Variants in RBM3 observed in about 807,000 individuals in gnomAD.
The protein encoded by RBM3 is RNA-binding protein 3.
RBM3 carries 3 observed loss-of-function variants against 12.0 expected under a neutral mutation model. The observed-to-expected ratio is 0.25, with a 90% CI of 0.11 to 0.65. RBM3 has a LOEUF of 0.65. RBM3 is among the 30% of genes least tolerant of loss of function. RBM3 has a pLI of 0.84. For synonymous variants in RBM3, 58 were observed against 45.7 expected, an observed-to-expected ratio of 1.27 and a Z score of -1.08; for missense variants, 108 against 134.5, an observed-to-expected ratio of 0.80 and a Z score of 0.97.
rs1476891154 is a variant in RBM3, at chrX:48,579,164, T to C, written c.*1723T>C. 9.0e-6 allele frequency: 1 copy of C among 111,412 alleles called. No individual in the cohort carries two copies. Among genetic ancestry groups the C allele is most frequent in the African/African-American group, 3.3e-5 (1 of 30,691 alleles). The allele number at this position is 111,412 out of a possible 1,213,427, so 9.2% of individuals were successfully genotyped here. ...TCTGCTCCCTTTAGTCATGGTTCTTTCTAGTGGCTGTATTGAGGCCCCATG... is the reference window on the plus strand; with the variant it reads ...TCTGCTCCCTTTAGTCATGGTTCTTCCTAGTGGCTGTATTGAGGCCCCATG... On this transcript the variant is annotated 3_prime_UTR_variant, in exon 7 of 7. Coordinates refer to ENST00000376759, the MANE Select transcript of RBM3 (RefSeq NM_006743.5).
At position 48,576,693 on chromosome X, in the gene RBM3, C is replaced by T. The variant is rs1305027903; in HGVS notation, c.413+89C>T. On this transcript the variant is annotated intron_variant, in intron 5 of 6. Transcript: ENST00000376759. ...GGGTGTTCATGCATACCACACCTTG[C>T]TGTTACTAATGTGTACCTAAAATGA... 3 of 1,101,248 alleles carry T rather than the reference C, an allele frequency of 2.7e-6. No individual in the cohort carries two copies. The African/African-American group carries it at 5.6e-5, about 20-fold the overall frequency. The allele number at this position is 1,101,248 out of a possible 1,213,427, so 90.8% of individuals were successfully genotyped here.
Position 48,577,727 on chromosome X carries a change from G to T in RBM3, c.*286G>T. On this transcript the variant is annotated 3_prime_UTR_variant, in exon 7 of 7. Transcript: ENST00000376759. ...CCAGTTTTTTAGTTTGAGCTCTTAG[G>T]TTTATTGGAGCTAGCAATAATTGGT... The T allele has an allele frequency of 5.1e-6, 1 of 195,591 alleles. No individual in the cohort carries two copies. Among genetic ancestry groups the T allele is most frequent in the Non-Finnish European group, 9.4e-6 (1 of 106,374 alleles). The allele number at this position is 195,591 out of a possible 1,213,427, so 16.1% of individuals were successfully genotyped here.
Position 48,579,697 on chromosome X carries a change from C to G in RBM3, c.*2256C>G, listed in dbSNP as rs1400831512. ...TCAGGATGGCAATGTACCTCTCACC[C>G]CCAGTGTCAGCTGAGGTAGGATCCA... On this transcript the variant is annotated 3_prime_UTR_variant, in exon 7 of 7. Coordinates refer to ENST00000376759, the MANE Select transcript of RBM3 (RefSeq NM_006743.5). 8.9e-6 allele frequency: 1 copy of G among 111,752 alleles called. No homozygotes were observed. The highest frequency in any genetic ancestry group is 1.9e-5 in the Non-Finnish European group (1 of 53,161). 9.2% of individuals were successfully genotyped at this position (111,752 alleles called of 1,213,427 possible). A position where few individuals can be genotyped will look rare whatever the true frequency, so the allele number is the denominator to read the frequency against.
Position 48,581,090 on chromosome X carries a change from A to G in RBM3, c.*3649A>G, listed in dbSNP as rs1176638675. 9.4e-6 allele frequency: 1 copy of G among 106,049 alleles called. No individual in the cohort carries two copies. The highest frequency in any genetic ancestry group is 3.5e-5 in the African/African-American group (1 of 28,622). The allele number at this position is 106,049 out of a possible 1,213,427, so 8.7% of individuals were successfully genotyped here. On this transcript the variant is annotated 3_prime_UTR_variant, in exon 7 of 7. Transcript: ENST00000376759. ...CTGGGGGCGGGGGGGGGCGGGGGGA[A>G]TGGGTCTTTTCTAAATTGTTAAAAG... is the stretch of plus-strand genomic sequence containing the variant.
At chrX:48,577,394 C>A in intron 6 of RBM3, 71 bp from the exon 7 acceptor site, 1 of 857,498 alleles carries the variant, frequency 1.2e-6, no homozygotes, top group Non-Finnish European at 1.6e-6. Flanking sequence ...TCTTCATCAG[C>A]TCTAGGAGGT....
At chrX:48,574,617 A>ACG in intron 1 of RBM3, 44 bp downstream of exon 1, 1 of 331,514 alleles carries the variant, frequency 3.0e-6, no homozygotes. Context: ...CTCGCCACAC[A>ACG]CGCGCCGCGC....
chrX:48,574,938 A>C (rs1414656532), intron 1 of RBM3: 5 of 439,611 alleles, frequency 1.1e-5, no homozygotes, highest in Admixed American at 3.0e-5. Context: ...CGTGGCGGCT[A>C]TGAATGTGAG....
Position 48,580,326 on chromosome X carries a change from T to G in RBM3, c.*2885T>G, listed in dbSNP as rs2147210924. Among the ~76,000 whole-genome samples, 1 of 111,842 alleles carries G rather than the reference T, an allele frequency of 8.9e-6. No individual in the cohort carries two copies. Among genetic ancestry groups the G allele is most frequent in the South Asian group, 3.7e-4 (1 of 2,704 alleles). Reference sequence around the variant, plus strand: ...ATCCTTGCTTCCTAGTTTAATTTCTTCTCTGCCTCAGTTATAACATCCATA... The same window carrying G: ...ATCCTTGCTTCCTAGTTTAATTTCTGCTCTGCCTCAGTTATAACATCCATA... On this transcript the variant is annotated 3_prime_UTR_variant, in exon 7 of 7. Coordinates refer to ENST00000376759, the MANE Select transcript of RBM3 (RefSeq NM_006743.5).
In RBM3 at chrX:48,577,625, C is replaced by CTT; in HGVS notation, c.*192_*193dup. On this transcript the variant is annotated 3_prime_UTR_variant, in exon 7 of 7. Transcript: ENST00000376759. ...CTGAAGACCTTTTAGACAGTTCCAT[C>CTT]TTTTTTTTTAAATTTTTTCTGCCTA... 1 of 383,413 alleles carries CTT rather than the reference C, an allele frequency of 2.6e-6. No homozygotes were observed. The highest frequency in any genetic ancestry group is 3.6e-6 in the Non-Finnish European group (1 of 275,857). The allele number at this position is 383,413 out of a possible 1,213,427, so 31.6% of individuals were successfully genotyped here.
chrX:48,580,145 C>T lies in RBM3; in HGVS notation c.*2704C>T, dbSNP rs1443093594. 9.0e-6 allele frequency: 1 copy of T among 111,435 alleles called. No individual in the cohort carries two copies. The highest frequency in any genetic ancestry group is 1.9e-5 in the Non-Finnish European group (1 of 53,102). 9.2% of individuals were successfully genotyped at this position (111,435 alleles called of 1,213,427 possible). A position where few individuals can be genotyped will look rare whatever the true frequency, so the allele number is the denominator to read the frequency against. ...CTGTAACTACTTTTCACTTTCAAGC[C>T]CTGGAACTTGTCTGTACCAAAAATC... On this transcript the variant is annotated 3_prime_UTR_variant, in exon 7 of 7. Transcript: ENST00000376759.
rs1216184261 is a variant in RBM3 at position 48,579,222 on chromosome X, C to T, written c.*1781C>T. ...TCCCTCCATTGGTTCTAGTTTGGAA[C>T]AGAAAAATCTGTTGTATTCATGGCT... is the stretch of plus-strand genomic sequence containing the variant. On this transcript the variant is annotated 3_prime_UTR_variant, in exon 7 of 7. Transcript: ENST00000376759. Among the ~76,000 whole-genome samples the T allele has an allele frequency of 9.0e-6, 1 of 111,635 alleles. No homozygotes were observed. Among genetic ancestry groups the T allele is most frequent in the African/African-American group, 3.3e-5 (1 of 30,745 alleles).
Position 48,577,948 on chromosome X carries a change from G to C in RBM3, c.*507G>C, listed in dbSNP as rs2062088374. ...ATAAAAAAATTAGCCTGGCATGGTG[G>C]TGTACGCCTGTAATCCCAGTGACTT... On this transcript the variant is annotated 3_prime_UTR_variant, in exon 7 of 7. Transcript: ENST00000376759. 8.8e-6 allele frequency: 1 copy of C among 113,144 alleles called. No homozygotes were observed. The highest frequency in any genetic ancestry group is 3.3e-5 in the African/African-American group (1 of 30,687). The allele number at this position is 113,144 out of a possible 1,213,427, so 9.3% of individuals were successfully genotyped here.
At chrX:48,576,640 C>T in intron 5 of RBM3, 36 bp downstream of exon 5, 13 of 1,157,793 alleles carry the variant, frequency 1.1e-5, no homozygotes, top group Non-Finnish European at 1.5e-5. Context: ...TCTCCTATTG[C>T]TTCCCTCTCC....
chrX:48,580,781 GT>G lies in RBM3; in HGVS notation c.*3341del, dbSNP rs1484448144. 8.9e-6 allele frequency: 1 copy of G among 111,994 alleles called. No homozygotes were observed. Among genetic ancestry groups the G allele is most frequent in the Non-Finnish European group, 1.9e-5 (1 of 53,238 alleles). 9.2% of individuals were successfully genotyped at this position (111,994 alleles called of 1,213,427 possible). ...GTTCCATGTTCTGGATTGGGGAGTT[GT>G]GGGGGTGGAGGTGTAGAACTTTTAA... On this transcript the variant is annotated 3_prime_UTR_variant, in exon 7 of 7. Coordinates refer to ENST00000376759, the MANE Select transcript of RBM3 (RefSeq NM_006743.5).
At chrX:48,575,952 C>G (rs1461192000) in intron 3 of RBM3, 2 of 605,628 alleles carry the variant, frequency 3.3e-6, no homozygotes, top group Admixed American at 7.9e-5. Context: ...GTGGGCCTGG[C>G]CCGGAGAGGA....
chrX:48,574,850 G>A (rs1198664692), intron 1 of RBM3: 1 of 365,180 alleles, frequency 2.7e-6, no homozygotes, highest in Non-Finnish European at 5.2e-6. Context: ...ATCCCACGTG[G>A]CCGCCGCCAT....
chrX:48,577,208 T>G (rs1177732531), intron 6 of RBM3, 99 bp downstream of exon 6: 2 of 1,166,004 alleles, frequency 1.7e-6, no homozygotes, highest in African/African-American at 3.6e-5. Flanking sequence ...TCTGCTGCCC[T>G]CATACCTCAC....
chrX:48,574,914 C>T (rs2062073250), intron 1 of RBM3: 2 of 425,908 alleles, frequency 4.7e-6, no homozygotes, highest in Admixed American at 3.0e-5. Flanking sequence ...TGCGCAGTGG[C>T]ACAAAATGAC....
intron 5 of RBM3, 148 bp from the exon 6 acceptor site, chrX:48,576,878 T>C (rs1602132564): frequency 2.6e-6 from 2 of 773,983 alleles, no homozygotes; most frequent in Non-Finnish European, 3.7e-6. Context: ...TAAAACTGTT[T>C]ACTGTGATAC....
Sources: gnomAD v4.1 joint callset for allele counts (sites outside exome capture counted in the v4.1 genomes callset) on GRCh38, gnomAD v4.1.1 for gene constraint, MANE v1.5 for transcripts, NCBI Gene and HGNC (gene_info 2026-07-23, HGNC 2026-07-21) for gene names.